CADPS: variants seen among roughly 807,000 people sequenced by gnomAD.
CADPS encodes calcium-dependent secretion activator 1.
In CADPS, 57 loss-of-function variants were observed where a neutral mutation model predicts 167.3. The ratio of observed to expected loss-of-function variants is 0.34; its 90% CI spans 0.28 to 0.42. The LOEUF is 0.42. CADPS is among the 20% of genes least tolerant of loss of function. The pLI is 1.00. For missense variants in CADPS, 1,414 were observed against 1,738.1 expected, an observed-to-expected ratio of 0.81 and a Z score of 3.32; for synonymous variants, 676 against 635.3, an observed-to-expected ratio of 1.06 and a Z score of -0.96.
chr3:62,584,616 T>A (rs762727748), intron 8 of CADPS, among the ~76,000 whole-genome samples: 1 of 152,250 alleles, frequency 6.6e-6, no homozygotes, highest in Non-Finnish European at 1.5e-5. Context: ...CTGGTCTTAT[T>A]TGGCATCTTA....
intron 1 of CADPS, among the ~76,000 whole-genome samples, chr3:62,769,293 G>A (rs946790753): frequency 6.6e-6 from 1 of 151,632 alleles, no homozygotes; most frequent in Non-Finnish European, 1.5e-5. Context: ...GTGCAGTGGT[G>A]TGATCTCGGC....
intron 28 of CADPS, among the ~76,000 whole-genome samples, chr3:62,437,885 C>T (rs1408891095): frequency 6.6e-6 from 1 of 152,112 alleles, no homozygotes; most frequent in African/African-American, 2.4e-5. Flanking sequence ...TGCCGTCCTA[C>T]GTATCACACA....
At chr3:62,485,266 G>A (rs1034420895) in intron 21 of CADPS, among the ~76,000 whole-genome samples, 7 of 151,388 alleles carry the variant, frequency 4.6e-5, no homozygotes, top group African/African-American at 1.7e-4. Context: ...TGGGACTTTA[G>A]AACCTCCCAA....
chr3:62,603,507 T>C (rs2060261077), intron 6 of CADPS, among the ~76,000 whole-genome samples: 1 of 152,198 alleles, frequency 6.6e-6, no homozygotes, highest in Non-Finnish European at 1.5e-5. Flanking sequence ...TTTATGCACA[T>C]ATAGAAGACC....
intron 6 of CADPS, among the ~76,000 whole-genome samples, chr3:62,600,763 A>G (rs1465529923): frequency 6.6e-6 from 1 of 152,220 alleles, no homozygotes; most frequent in Non-Finnish European, 1.5e-5. Context: ...AACACTTATA[A>G]CGTGTGAGAG....
intron 2 of CADPS, among the ~76,000 whole-genome samples, chr3:62,761,220 T>C (rs1320229580): frequency 6.6e-6 from 1 of 152,188 alleles, no homozygotes; most frequent in East Asian, 1.9e-4. Flanking sequence ...TTGTTGTTGT[T>C]GCTTCTGCTG....
chr3:62,790,674 G>A (rs1374722301), intron 1 of CADPS, among the ~76,000 whole-genome samples: 1 of 152,052 alleles, frequency 6.6e-6, no homozygotes, highest in Non-Finnish European at 1.5e-5. Context: ...TAAAATGAAA[G>A]GATTGGAAAA....
At chr3:62,553,353 C>T (rs554777435) in intron 10 of CADPS, among the ~76,000 whole-genome samples, 1 of 152,192 alleles carries the variant, frequency 6.6e-6, no homozygotes, top group African/African-American at 2.4e-5. Flanking sequence ...ATCCTCCCAA[C>T]AGCCTTATGA....
chr3:62,482,048 C>T (rs912668973), intron 21 of CADPS, among the ~76,000 whole-genome samples, 179 bp from the exon 22 acceptor site: 16 of 152,176 alleles, frequency 1.1e-4, no homozygotes, highest in Admixed American at 6.5e-5. Context: ...GCTCTGTATC[C>T]AGAGAAATGA....
intron 13 of CADPS, among the ~76,000 whole-genome samples, chr3:62,523,865 C>A (rs2071357812): frequency 6.6e-6 from 1 of 152,222 alleles, no homozygotes. Context: ...TATTCTCTCT[C>A]TCCAAATGGA....
chr3:62,727,150 T>C (rs572092236), intron 3 of CADPS, among the ~76,000 whole-genome samples: 2 of 151,772 alleles, frequency 1.3e-5, no homozygotes, highest in East Asian at 1.9e-4. Context: ...AGAAAGAGAA[T>C]TGAGTGCTAG....
intron 3 of CADPS, among the ~76,000 whole-genome samples, chr3:62,707,281 C>A (rs951876301): frequency 2.0e-5 from 3 of 152,092 alleles, no homozygotes; most frequent in African/African-American, 7.2e-5. Context: ...CTAACTAATG[C>A]CTGATGATCT....
In CADPS at chr3:62,806,361, T is replaced by TA. The variant is rs11328861; in HGVS notation, c.442-40378dup. 7.7e-4 allele frequency among the ~76,000 whole-genome samples: 106 copies of TA among 138,008 alleles called. 2 individuals carry two copies. The highest frequency in any genetic ancestry group is 2.1e-3 in the Admixed American group (29 of 13,782). 90.5% of individuals were successfully genotyped at this position (138,008 alleles called of 152,430 possible). On this transcript the variant is annotated intron_variant, in intron 1 of 29. Transcript: ENST00000383710. ...AACATAGCAAGACCTCGTCTTTAGT[T>TA]AAAAAAAAAAAAAAAAAAAAATTAG... is the stretch of plus-strand genomic sequence containing the variant.
intron 17 of CADPS, chr3:62,500,164 T>C (rs1435468778): frequency 6.6e-6 from 1 of 152,220 alleles, no homozygotes; most frequent in Admixed American, 6.5e-5. Context: ...TTTCTTGTTT[T>C]TTTTGGAGAC....
chr3:62,655,740 C>T (rs1023012188), intron 4 of CADPS, among the ~76,000 whole-genome samples: 2 of 152,094 alleles, frequency 1.3e-5, no homozygotes, highest in African/African-American at 4.8e-5. Context: ...AGGAATGTGA[C>T]AGAAGGGCCG....
At chr3:62,605,922 A>C (rs1289001776) in intron 6 of CADPS, among the ~76,000 whole-genome samples, 1 of 152,196 alleles carries the variant, frequency 6.6e-6, no homozygotes, top group Admixed American at 6.5e-5. Context: ...GTGTTTTCTC[A>C]GTCTGAGAAA....
intron 1 of CADPS, among the ~76,000 whole-genome samples, chr3:62,808,819 C>T (rs1399217168): frequency 2.6e-5 from 4 of 152,256 alleles, no homozygotes; most frequent in Admixed American, 6.5e-5. Context: ...CAATGCTTAA[C>T]GGATGCCTCT....
intron 9 of CADPS, among the ~76,000 whole-genome samples, chr3:62,558,652 C>A (rs1193167568): frequency 6.6e-6 from 1 of 152,154 alleles, no homozygotes; most frequent in Non-Finnish European, 1.5e-5. Flanking sequence ...GTGCTACATG[C>A]ATCTCCCGCA....
In CADPS at chr3:62,875,254, G is replaced by C. The variant is rs2083449090; in HGVS notation, c.-225C>G. On this transcript the variant is annotated 5_prime_UTR_variant, in exon 1 of 30. Coordinates refer to ENST00000383710, the MANE Select transcript of CADPS (RefSeq NM_003716.4). ...GCGAAGGGAGGAGGGGAAGGGAGAG[G>C]TGCGTCCGTGGACTCGAGGTGGGCA... 1 of 374,242 alleles carries C rather than the reference G, an allele frequency of 2.7e-6. No individual in the cohort carries two copies. Among genetic ancestry groups the C allele is most frequent in the South Asian group, 7.4e-5 (1 of 13,524 alleles). The allele number at this position is 374,242 out of a possible 1,614,324, so 23.2% of individuals were successfully genotyped here.
Sources: gnomAD v4.1 joint callset for allele counts (sites outside exome capture counted in the v4.1 genomes callset) on GRCh38, gnomAD v4.1.1 for gene constraint, MANE v1.5 for transcripts, NCBI Gene and HGNC (gene_info 2026-07-23, HGNC 2026-07-21) for gene names.